TTC29: variants seen among roughly 807,000 people sequenced by gnomAD.
TTC29 encodes tetratricopeptide repeat domain 29.
A neutral mutation model predicts 58.1 loss-of-function variants in TTC29; 49 were observed. The ratio of observed to expected loss-of-function variants is 0.84; its 90% confidence interval spans 0.67 to 1.07. The LOEUF (loss-of-function observed/expected upper bound fraction) is 1.07, where lower values mean the gene tolerates loss of function less well. Ranked by LOEUF, TTC29 falls within the 50% of genes least tolerant of loss-of-function variation. TTC29 has a pLI of 0.00. For synonymous variants in TTC29, 209 were observed against 196.8 expected, an observed-to-expected ratio of 1.06 and a Z score of -0.52; for missense variants, 582 against 555.6, an observed-to-expected ratio of 1.05 and a Z score of -0.48.
At chr4:146,891,317 T>A (rs73852735) in intron 6 of TTC29, among the ~76,000 whole-genome samples, 108 of 152,220 alleles carry the variant, frequency 7.1e-4, no homozygotes, top group African/African-American at 2.5e-3. Context: ...TAATTACTCT[T>A]GTTTGTTTGA....
At chr4:146,748,917 T>G (rs937596155) in intron 11 of TTC29, among the ~76,000 whole-genome samples, 1 of 152,148 alleles carries the variant, frequency 6.6e-6, no homozygotes, top group Non-Finnish European at 1.5e-5. Context: ...ATGAATTACC[T>G]GAAAGAGAAT....
At chr4:146,735,470 C>CATAAATGGGTATACAT (rs1422658554) in intron 11 of TTC29, among the ~76,000 whole-genome samples, 1 of 152,156 alleles carries the variant, frequency 6.6e-6, no homozygotes, top group Non-Finnish European at 1.5e-5. Context: ...ACTGAACAAT[C>CATAAATGGGTATACAT]ATAAATGGGT....
chr4:146,826,202 T>C (rs1317753116), intron 9 of TTC29, among the ~76,000 whole-genome samples: 1 of 152,140 alleles, frequency 6.6e-6, no homozygotes, highest in Non-Finnish European at 1.5e-5. Context: ...TTCTTCATAG[T>C]GTCATTGGTC....
At chr4:146,713,905 T>C (rs148269165) in intron 11 of TTC29, among the ~76,000 whole-genome samples, 2 of 152,272 alleles carry the variant, frequency 1.3e-5, no homozygotes, top group Non-Finnish European at 2.9e-5. Context: ...TATTAATCTG[T>C]CCAGACACTA....
chr4:146,775,661 C>T, intron 11 of TTC29, among the ~76,000 whole-genome samples: 1 of 151,874 alleles, frequency 6.6e-6, no homozygotes, highest in East Asian at 1.9e-4. Flanking sequence ...ATGATCTGCC[C>T]CTTCTCTCTG....
chr4:146,831,131 A>G (rs576551053), intron 9 of TTC29, among the ~76,000 whole-genome samples: 8 of 152,320 alleles, frequency 5.3e-5, no homozygotes, highest in Admixed American at 2.6e-4. Flanking sequence ...CTTTTTCACT[A>G]TGACCTCAGA....
chr4:146,711,217 A>C lies in TTC29; in HGVS notation c.1331-3666T>G, dbSNP rs150686633. On this transcript the variant is annotated intron_variant, in intron 11 of 12. Coordinates refer to ENST00000325106, the MANE Select transcript of TTC29 (RefSeq NM_031956.4). ...ACCAAAAGTATTGTTGTATGCTCAC[A>C]TGAATATACAGTAGTCATTACCTTA... Among the ~76,000 whole-genome samples, 1,059 of 152,276 alleles carry C rather than the reference A, an allele frequency of 7.0e-3. 8 individuals carry two copies. The highest frequency in any genetic ancestry group is 0.025 in the African/African-American group (1,024 of 41,570).
At chr4:146,913,087 G>T (rs931015151) in intron 4 of TTC29, among the ~76,000 whole-genome samples, 8 of 152,192 alleles carry the variant, frequency 5.3e-5, no homozygotes, top group East Asian at 1.9e-4. Context: ...AAGGCAGTTT[G>T]GGGGGTGACA....
At chr4:146,919,448 G>A (rs1039572222) in intron 4 of TTC29, among the ~76,000 whole-genome samples, 1 of 150,900 alleles carries the variant, frequency 6.6e-6, no homozygotes, top group Non-Finnish European at 1.5e-5. Context: ...AGGAAAAGAG[G>A]AGGGAAACAA....
chr4:146,919,881 A>C (rs1000669710), intron 4 of TTC29, among the ~76,000 whole-genome samples: 8 of 151,136 alleles, frequency 5.3e-5, no homozygotes, highest in Admixed American at 2.6e-4. Flanking sequence ...AACAAGTTGC[A>C]TTATAAAGAA....
At chr4:146,718,594 T>TA (rs1743114645) in intron 11 of TTC29, among the ~76,000 whole-genome samples, 1 of 152,204 alleles carries the variant, frequency 6.6e-6, no homozygotes, top group African/African-American at 2.4e-5. Context: ...TTGAGTTTTT[T>TA]ATATGTTGGT....
At chr4:146,723,971 A>G (rs1470935075) in intron 11 of TTC29, among the ~76,000 whole-genome samples, 1 of 152,228 alleles carries the variant, frequency 6.6e-6, no homozygotes, top group East Asian at 1.9e-4. Flanking sequence ...CATGGAGCCA[A>G]CCTAGTTTCC....
intron 6 of TTC29, among the ~76,000 whole-genome samples, chr4:146,896,212 T>C (rs966189293): frequency 2.6e-5 from 4 of 152,306 alleles, no homozygotes; most frequent in African/African-American, 9.6e-5. Flanking sequence ...ACTGTATTCA[T>C]AATGCAGTTT....
intron 4 of TTC29, among the ~76,000 whole-genome samples, chr4:146,935,574 A>G (rs1735739309): frequency 6.6e-6 from 1 of 152,160 alleles, no homozygotes; most frequent in African/African-American, 2.4e-5. Context: ...GTTCTATCCT[A>G]TCGTCTTAGT....
intron 11 of TTC29, among the ~76,000 whole-genome samples, chr4:146,767,811 C>T (rs1005175812): frequency 6.6e-6 from 1 of 151,994 alleles, no homozygotes; most frequent in Admixed American, 6.6e-5. Context: ...GAATTTCAGA[C>T]CTGAATAATG....
At chr4:146,888,083 G>A (rs537339867) in intron 6 of TTC29, among the ~76,000 whole-genome samples, 106 of 152,264 alleles carry the variant, frequency 7.0e-4, no homozygotes, top group Middle Eastern at 6.8e-3. Flanking sequence ...CACTCTGTAT[G>A]TGTTTAATGT....
chr4:146,719,569 A>G (rs1309220509), intron 11 of TTC29, among the ~76,000 whole-genome samples: 1 of 152,208 alleles, frequency 6.6e-6, no homozygotes, highest in Non-Finnish European at 1.5e-5. Context: ...GGCAAGAATT[A>G]CTGCAGCAAA....
intron 2 of TTC29, among the ~76,000 whole-genome samples, chr4:146,942,405 T>C (rs1736489035): frequency 6.6e-6 from 1 of 152,164 alleles, no homozygotes; most frequent in Non-Finnish European, 1.5e-5. Context: ...GTAATGACAA[T>C]TTTTTTAATT....
intron 6 of TTC29, among the ~76,000 whole-genome samples, chr4:146,896,033 G>A (rs1732747017): frequency 6.6e-6 from 1 of 152,070 alleles, no homozygotes; most frequent in African/African-American, 2.4e-5. Context: ...ATTTTATACT[G>A]TGTAGCTTCT....
Sources: gnomAD v4.1 joint callset for allele counts (sites outside exome capture counted in the v4.1 genomes callset) on GRCh38, gnomAD v4.1.1 for gene constraint, MANE v1.5 for transcripts, NCBI Gene and HGNC (gene_info 2026-07-23, HGNC 2026-07-21) for gene names.